LDHA: variants seen among roughly 807,000 people sequenced by gnomAD.
LDHA encodes the protein L-lactate dehydrogenase A chain.
LDHA carries 10 observed loss-of-function variants against 36.3 expected under a neutral mutation model. The ratio of observed to expected loss-of-function variants is 0.28; its 90% CI spans 0.17 to 0.47. The LOEUF (loss-of-function observed/expected upper bound fraction) is 0.47. Among genes scored for constraint, LDHA ranks in the 20% least tolerant of loss-of-function variants. The pLI, the probability that LDHA is intolerant of heterozygous loss-of-function variation, is 0.99. For synonymous variants in LDHA, 110 were observed against 136.7 expected (o/e 0.80, Z 1.36); for missense variants, 267 against 405.8 (o/e 0.66, Z 2.94).
intron 1 of LDHA, chr11:18,396,121 C>G (rs903178682): frequency 6.1e-6 from 1 of 163,208 alleles, no homozygotes; most frequent in Admixed American, 6.4e-5. Context: ...CCTCTGCTTA[C>G]GGGCGGGGCT....
chr11:18,396,363 T>A (rs1565033721), intron 1 of LDHA: 1 of 397,608 alleles, frequency 2.5e-6, no homozygotes, highest in African/African-American at 2.1e-5. Context: ...AAAGCGCGCA[T>A]GCGCGCGGAT....
At chr11:18,407,089 G>GTT (rs772615610) in intron 7 of LDHA, 28 bp from the exon 8 acceptor site, 3 of 1,291,622 alleles carry the variant, frequency 2.3e-6, no homozygotes, top group African/African-American at 2.5e-5. Context: ...CAAAATGTGA[G>GTT]ATTTTTTTTT....
chr11:18,400,496 C>T (rs1378627059), intron 3 of LDHA: 1 of 366,192 alleles, frequency 2.7e-6, no homozygotes, highest in Non-Finnish European at 5.3e-6. Context: ...ATTGCCTGTT[C>T]CTGGGCTGAT....
intron 6 of LDHA, among the ~76,000 whole-genome samples, chr11:18,404,416 C>T (rs1253626830): frequency 6.6e-6 from 1 of 151,222 alleles, no homozygotes; most frequent in Non-Finnish European, 1.5e-5. Context: ...AAGAGCCTGT[C>T]TCAAAGGAAA....
At chr11:18,396,581 CA>C in intron 1 of LDHA, 1 of 1,384,582 alleles carries the variant, frequency 7.2e-7, no homozygotes, top group Non-Finnish European at 9.3e-7. Flanking sequence ...TACTTACACC[CA>C]AACGTCGATA....
intron 4 of LDHA, chr11:18,402,529 C>T (rs1289962558): frequency 2.3e-5 from 8 of 344,638 alleles, no homozygotes; most frequent in Non-Finnish European, 3.9e-5. Context: ...AACTGCTGGC[C>T]TCAGGCAGTC....
At position 18,403,728 on chromosome 11, in the gene LDHA, C is replaced by T. The variant is rs1264720683; in HGVS notation, c.627C>T (p.Val209=). Residue 209 remains valine, a synonymous_variant, in exon 6 of 8, where the codon GTC becomes GTT. Coordinates refer to ENST00000422447, the MANE Select transcript of LDHA (RefSeq NM_005566.4). ...GGAGTGGAATGAATGTTGCTGGTGT[C>T]TCTCTGAAGACTCTGCACCCAGATT... ...PVWSGMNVAG[V]SLKTLHPDLG... 1 of 1,608,688 alleles carries T rather than the reference C, an allele frequency of 6.2e-7. No homozygotes were observed.
intron 2 of LDHA, chr11:18,397,324 T>C (rs1347790208): frequency 8.7e-5 from 15 of 172,756 alleles, no homozygotes; most frequent in Non-Finnish European, 1.6e-4. Flanking sequence ...AATTGTCATT[T>C]ATTGGTAAAA....
At chr11:18,401,213 A>C (rs1004911729) in intron 4 of LDHA, among the ~76,000 whole-genome samples, 1 of 150,196 alleles carries the variant, frequency 6.7e-6, no homozygotes, top group South Asian at 2.1e-4. Context: ...GCAGTGGCGC[A>C]ATCTGGGCTC....
rs1475847969 is a variant in LDHA at position 18,406,567 on chromosome 11, T to C, written c.835-550T>C. The C allele has an allele frequency of 1.9e-4, 28 of 147,826 alleles. No homozygotes were observed. The Admixed American group carries it at 1.9e-3, about 10-fold the overall frequency. The allele number at this position is 147,826 out of a possible 1,614,324, so 9.2% of individuals were successfully genotyped here. A position where few individuals can be genotyped will look rare whatever the true frequency, so the allele number is the denominator to read the frequency against. The stretch of plus-strand genomic sequence containing the variant: ...CCCTGTCTCTACTAAAAATACAGAA[T>C]TAGCCAGGTGTGGTGGCAGGCGCCT... On this transcript the variant is annotated intron_variant, in intron 7 of 7. Transcript: ENST00000422447.
At chr11:18,394,798 C>T (rs1018846684) in intron 1 of LDHA, 162 bp downstream of exon 1, 1 of 380,764 alleles carries the variant, frequency 2.6e-6, no homozygotes. Flanking sequence ...GGCGGCGGCC[C>T]ACACAACGCA....
At chr11:18,401,932 A>AGTT (rs1866517841) in intron 4 of LDHA, among the ~76,000 whole-genome samples, 2 of 129,822 alleles carry the variant, frequency 1.5e-5, no homozygotes, top group South Asian at 5.2e-4. Flanking sequence ...ATAAGGGATA[A>AGTT]GTTTGTGAAT....
chr11:18,407,568 C>T lies in LDHA; in HGVS notation c.*287C>T. The T allele has an allele frequency of 1.4e-6, 1 of 701,876 alleles. No individual in the cohort carries two copies. Among genetic ancestry groups the T allele is most frequent in the Non-Finnish European group, 2.6e-6 (1 of 389,266 alleles). The allele number at this position is 701,876 out of a possible 1,614,324, so 43.5% of individuals were successfully genotyped here. On this transcript the variant is annotated 3_prime_UTR_variant, in exon 8 of 8. Transcript: ENST00000422447. ...CCAATGCTGTACGTACTGCATTTGC[C>T]CCTTGAGCCAGGTGGATGTTTACCG...
At chr11:18,402,357 A>G (rs1866538982) in intron 4 of LDHA, among the ~76,000 whole-genome samples, 2 of 152,034 alleles carry the variant, frequency 1.3e-5, no homozygotes, top group Admixed American at 6.6e-5. Flanking sequence ...CTGGAGGGCA[A>G]TGGGATGATC....
intron 5 of LDHA, 23 bp from the exon 6 acceptor site, chr11:18,403,671 G>A (rs765760101): frequency 7.8e-7 from 1 of 1,274,308 alleles, no homozygotes; most frequent in African/African-American, 1.5e-5. Context: ...GAAAATAAAT[G>A]TAGTCTGTAC....
chr11:18,397,257 T>A, intron 2 of LDHA: 1 of 251,474 alleles, frequency 4.0e-6, no homozygotes, highest in South Asian at 1.4e-4. Flanking sequence ...GGTCCATGAT[T>A]TTAAATGAGC....
chr11:18,396,601 C>A, intron 1 of LDHA: 1 of 1,380,580 alleles, frequency 7.2e-7, no homozygotes, highest in Non-Finnish European at 9.3e-7. Flanking sequence ...TATTCCTTTT[C>A]CACGCTAAGG....
At chr11:18,405,348 G>T in intron 6 of LDHA, 101 bp from the exon 7 acceptor site, 1 of 1,137,096 alleles carries the variant, frequency 8.8e-7, no homozygotes, top group Non-Finnish European at 1.3e-6. Context: ...GCAACATTGT[G>T]GCATTATTTA....
chr11:18,406,964 C>T (rs975595185), intron 7 of LDHA, among the ~76,000 whole-genome samples, 153 bp from the exon 8 acceptor site: 1 of 151,682 alleles, frequency 6.6e-6, no homozygotes, highest in Non-Finnish European at 1.5e-5. Context: ...TGAGATCGTG[C>T]CACTGCACTC....
Sources: allele counts gnomAD v4.1 joint callset (sites outside exome capture counted in the v4.1 genomes callset), GRCh38; gene constraint gnomAD v4.1.1; transcripts MANE v1.5; gene names NCBI Gene and HGNC (gene_info 2026-07-23, HGNC 2026-07-21).